Variants in ATP9A observed in about 807,000 individuals in gnomAD.
ATP9A encodes the protein ATPase phospholipid transporting 9A.
Under a neutral mutation model 144.1 loss-of-function variants are expected in ATP9A, and 52 were observed. The ratio of observed to expected loss-of-function variants is 0.36; its 90% CI spans 0.29 to 0.45. ATP9A has a LOEUF of 0.45. Among genes scored for constraint, ATP9A ranks in the 20% least tolerant of loss-of-function variants. The pLI is 1.00. For synonymous variants in ATP9A, 582 were observed against 557.4 expected (o/e 1.04, Z -0.62); for missense variants, 947 against 1,392.7 (o/e 0.68, Z 5.09).
chr20:51,745,749 A>G (rs1412994676), intron 1 of ATP9A, among the ~76,000 whole-genome samples: 1 of 152,144 alleles, frequency 6.6e-6, no homozygotes. Flanking sequence ...GAATCATTCT[A>G]TACTGCACCA....
intron 1 of ATP9A, among the ~76,000 whole-genome samples, chr20:51,764,131 AC>A (rs2077893987): frequency 1.3e-5 from 2 of 152,240 alleles, no homozygotes; most frequent in African/African-American, 4.8e-5. Flanking sequence ...ACTATGAGAT[AC>A]ATAATTATTG....
In ATP9A at chr20:51,690,776, T is replaced by C. The variant is rs1568822466; in HGVS notation, c.686A>G (p.Asn229Ser). 1 of 1,614,218 alleles carries C rather than the reference T, an allele frequency of 6.2e-7. No individual in the cohort carries two copies. Among genetic ancestry groups the C allele is most frequent in the East Asian group, 2.2e-5 (1 of 44,882 alleles). Residue 229 changes from asparagine to serine, a missense_variant, in exon 8 of 28, where the codon AAT becomes AGT. Asn to Ser is a conservative substitution (Grantham distance 46). Transcript: ENST00000338821. ...TCCCACGAAGTTGTGAATGTCAATA[T>C]TTGGCTCTTCTGCGTACACATACGA... ...IRSYVYAEEP[N>S]IDIHNFVGTF...
At chr20:51,722,432 CA>C (rs1221955415) in intron 3 of ATP9A, among the ~76,000 whole-genome samples, 2 of 152,176 alleles carry the variant, frequency 1.3e-5, no homozygotes, top group African/African-American at 4.8e-5. Flanking sequence ...AAAATCTTCA[CA>C]ATCTATACGT....
intron 17 of ATP9A, among the ~76,000 whole-genome samples, chr20:51,626,389 T>C (rs572586615): frequency 2.6e-5 from 4 of 151,222 alleles, no homozygotes; most frequent in African/African-American, 9.7e-5. Context: ...CTTGGGGGCT[T>C]GAGGGAGGAG....
At chr20:51,646,291 C>T (rs1406507850) in intron 14 of ATP9A, among the ~76,000 whole-genome samples, 1 of 152,176 alleles carries the variant, frequency 6.6e-6, no homozygotes, top group African/African-American at 2.4e-5. Flanking sequence ...AGCCAGATCA[C>T]GCTCAGTAGC....
chr20:51,629,010 A>G lies in ATP9A; in HGVS notation c.1731T>C (p.Ile577=), dbSNP rs1236086896. 3.7e-6 allele frequency: 6 copies of G among 1,613,992 alleles called. No homozygotes were observed. Among genetic ancestry groups the G allele is most frequent in the Non-Finnish European group, 5.1e-6 (6 of 1,179,978 alleles). The change falls in exon 16 of 28, where the codon ATT becomes ATC. Residue 577 remains isoleucine (I), a synonymous_variant. Coordinates refer to ENST00000338821, the MANE Select transcript of ATP9A (RefSeq NM_006045.3). ...CCTCCAACCAGTCATTGTACTGCACAATGCCAGCCATGACCACATCTGCTC... is the reference window on the plus strand; with the variant it reads ...CCTCCAACCAGTCATTGTACTGCACGATGCCAGCCATGACCACATCTGCTC... ...MKGADVVMAG[I]VQYNDWLEEE... is the part of the protein sequence containing the mutation.
Position 51,604,176 on chromosome 20 carries a change from C to G in ATP9A, c.3007+641G>C, listed in dbSNP as rs569497272. 2.2e-4 allele frequency among the ~76,000 whole-genome samples: 27 copies of G among 123,438 alleles called. No individual in the cohort carries two copies. The South Asian group carries it at 7.7e-3, about 35-fold the overall frequency. 81.0% of individuals were successfully genotyped at this position (123,438 alleles called of 152,430 possible). On this transcript the variant is annotated intron_variant, in intron 27 of 27. Coordinates refer to ENST00000338821, the MANE Select transcript of ATP9A (RefSeq NM_006045.3). ...TGATCACATCTGATATTCCTGTGCT[C>G]ACACTCACTTAATGTGTGTTTATCG...
In ATP9A at chr20:51,624,629, G is replaced by A. The variant is rs147805765; in HGVS notation, c.2016+563C>T. Among the ~76,000 whole-genome samples, 421 of 152,196 alleles carry A rather than the reference G, an allele frequency of 2.8e-3. 9 individuals carry two copies. The highest frequency in any genetic ancestry group is 0.02 in the Middle Eastern group (6 of 294). ...CAGCCATGCACGCTGGACACTGCTC[G>A]GCCTTGAGCACCAGGGAGCCCAGTG... On this transcript the variant is annotated intron_variant, in intron 18 of 27. Transcript: ENST00000338821.
chr20:51,717,353 G>A (rs532582140), intron 3 of ATP9A, among the ~76,000 whole-genome samples: 289 of 152,116 alleles, frequency 1.9e-3, no homozygotes, highest in Middle Eastern at 6.8e-3. Context: ...ATCTATTAAG[G>A]AAATCAGCGA....
At chr20:51,707,002 C>T (rs908383514) in intron 4 of ATP9A, among the ~76,000 whole-genome samples, 4 of 152,152 alleles carry the variant, frequency 2.6e-5, no homozygotes, top group Non-Finnish European at 4.4e-5. Context: ...CAGGAAACTT[C>T]GCCTAATTGG....
At chr20:51,684,514 G>T (rs1159902361) in intron 9 of ATP9A, among the ~76,000 whole-genome samples, 1 of 150,190 alleles carries the variant, frequency 6.7e-6, no homozygotes, top group African/African-American at 2.5e-5. Flanking sequence ...GGCTAACACG[G>T]TGAAACTCCA....
intron 9 of ATP9A, among the ~76,000 whole-genome samples, chr20:51,678,786 T>A (rs1455166091): frequency 6.6e-6 from 1 of 152,216 alleles, no homozygotes; most frequent in Non-Finnish European, 1.5e-5. Context: ...GAGTGCCCTC[T>A]ACGTCTGGCC....
intron 3 of ATP9A, among the ~76,000 whole-genome samples, chr20:51,719,342 G>T (rs772222910): frequency 6.6e-6 from 1 of 152,222 alleles, no homozygotes; most frequent in East Asian, 1.9e-4. Context: ...GCTTTAAATT[G>T]TTATTAATGA....
chr20:51,614,182 C>T (rs1274909898), intron 22 of ATP9A, among the ~76,000 whole-genome samples: 2 of 152,204 alleles, frequency 1.3e-5, no homozygotes, highest in Non-Finnish European at 2.9e-5. Flanking sequence ...GAGGCAAAAA[C>T]CCAGAGCTAC....
chr20:51,649,379 T>C (rs1159544505), intron 14 of ATP9A, among the ~76,000 whole-genome samples: 3 of 152,154 alleles, frequency 2.0e-5, no homozygotes, highest in African/African-American at 7.2e-5. Flanking sequence ...ATGGGAACTT[T>C]CCTTAGCCAA....
chr20:51,656,911 T>A lies in ATP9A; in HGVS notation c.1506+27A>T, dbSNP rs769556445. The A allele has an allele frequency of 1.9e-6, 3 of 1,601,204 alleles. 1 individual carries two copies. Among genetic ancestry groups the A allele is most frequent in the South Asian group, 2.2e-5 (2 of 89,856 alleles). On this transcript the variant is annotated intron_variant, in intron 14 of 27. Coordinates refer to ENST00000338821, the MANE Select transcript of ATP9A (RefSeq NM_006045.3). ...AGAGAAAACAAGCAGGGCCTCCCCA[T>A]GCCTTGCTGCACCTGCCCAGGTTTA...
chr20:51,676,734 C>T lies in ATP9A; in HGVS notation c.800-526G>A, dbSNP rs371378989. 1.1e-4 allele frequency among the ~76,000 whole-genome samples: 17 copies of T among 152,264 alleles called. 2 individuals are homozygous for T. The highest frequency in any genetic ancestry group is 3.9e-4 in the East Asian group (2 of 5,160). ...TTTCAACTGATCCATCTGCCTCAGC[C>T]TCCCAGAGTGCTGGGATTACAGGCA... is the stretch of plus-strand genomic sequence containing the variant. On this transcript the variant is annotated intron_variant, in intron 9 of 27. Transcript: ENST00000338821.
intron 3 of ATP9A, among the ~76,000 whole-genome samples, chr20:51,714,996 AC>A (rs1166068442): frequency 6.6e-6 from 1 of 152,084 alleles, no homozygotes; most frequent in African/African-American, 2.4e-5. Flanking sequence ...CATTTATTTT[AC>A]TTACTTGTTT....
intron 26 of ATP9A, among the ~76,000 whole-genome samples, chr20:51,606,172 G>A (rs756143305): frequency 6.7e-6 from 1 of 150,198 alleles, no homozygotes; most frequent in African/African-American, 2.5e-5. Flanking sequence ...CCGGAGAATC[G>A]CTTGAAACCA....
Sources: allele counts gnomAD v4.1 joint callset (sites outside exome capture counted in the v4.1 genomes callset), GRCh38; gene constraint gnomAD v4.1.1; transcripts MANE v1.5; gene names NCBI Gene and HGNC (gene_info 2026-07-23, HGNC 2026-07-21).